The following SSB variants were observed in gnomAD, a reference collection of about 807,000 sequenced individuals.
SSB encodes the protein lupus La protein.
SSB carries 17 observed loss-of-function variants against 52.9 expected under a neutral mutation model. The observed-to-expected ratio is 0.32, with a 90% CI of 0.22 to 0.48. The LOEUF (loss-of-function observed/expected upper bound fraction) is 0.48, where lower values mean the gene tolerates loss of function less well. SSB is among the 20% of genes least tolerant of loss of function. The pLI, the probability that SSB is intolerant of heterozygous loss-of-function variation, is 0.99. For missense variants in SSB, 314 were observed against 463.6 expected (o/e 0.68, Z 2.96); for synonymous variants, 111 against 152.1 (o/e 0.73, Z 1.99).
chr2:169,802,071 G>C (rs1200192595), intron 2 of SSB, among the ~76,000 whole-genome samples: 1 of 151,988 alleles, frequency 6.6e-6, no homozygotes, highest in East Asian at 1.9e-4. Flanking sequence ...TGTAGTCCTA[G>C]CTACTTGGGA....
intron 6 of SSB, 41 bp downstream of exon 6, chr2:169,807,112 TATG>T: frequency 1.3e-6 from 2 of 1,524,198 alleles, no homozygotes; most frequent in Non-Finnish European, 1.8e-6. Context: ...CTTTTACTTA[TATG>T]GACACACACT....
chr2:169,811,689 A>G lies in SSB; in HGVS notation c.1160A>G (p.Glu387Gly). 2 of 1,613,124 alleles carry G rather than the reference A, an allele frequency of 1.2e-6. No homozygotes were observed. Among genetic ancestry groups the G allele is most frequent in the Middle Eastern group, 3.3e-4 (2 of 6,050 alleles). The change falls in exon 12 of 12, where the codon GAA becomes GGA. Residue 387 changes from glutamate to glycine, a missense_variant. By Grantham distance (98) the Glu-to-Gly change is moderately conservative. Coordinates refer to ENST00000260956, the MANE Select transcript of SSB (RefSeq NM_003142.5). ...ATAGGACCTGTGAAAAGAGCAAGAG[A>G]AGAAACAGACAAAGAAGAACCTGCA... ...GATGPVKRAR[E>G]ETDKEEPASK... is the part of the protein sequence containing the mutation.
At chr2:169,808,386 ACATT>A (rs1689871536) in intron 6 of SSB, 92 bp from the exon 7 acceptor site, 1 of 911,942 alleles carries the variant, frequency 1.1e-6, no homozygotes, top group Admixed American at 2.3e-5. Context: ...AGCGTGTGCA[ACATT>A]CATTGCTGTG....
At chr2:169,809,085 TA>T (rs1689890187) in intron 8 of SSB, 183 bp downstream of exon 8, 4 of 636,478 alleles carry the variant, frequency 6.3e-6, no homozygotes, top group Non-Finnish European at 1.2e-5. Context: ...AAATATGTTC[TA>T]AAATATGGAA....
Position 169,811,653 on chromosome 2 carries a change from A to AT in SSB, c.1139-13dup. The stretch of plus-strand genomic sequence containing the variant: ...CTTACGTTGAATTTAACAAAAATTA[A>AT]TTGTTACGTTATAGGACCTGTGAAA... On this transcript the variant is annotated splice_polypyrimidine_tract_variant and intron_variant, in intron 11 of 11. Transcript: ENST00000260956. 6.2e-7 allele frequency: 1 copy of AT among 1,601,202 alleles called. No homozygotes were observed. The highest frequency in any genetic ancestry group is 8.5e-7 in the Non-Finnish European group (1 of 1,176,560).
At chr2:169,803,883 C>T (rs766994475) in intron 2 of SSB, among the ~76,000 whole-genome samples, 15 of 151,940 alleles carry the variant, frequency 9.9e-5, no homozygotes, top group African/African-American at 2.2e-4. Context: ...GGATTACAGG[C>T]GTGCACCACC....
chr2:169,810,396 G>C lies in SSB; in HGVS notation c.783G>C (p.Trp261Cys). 1 of 1,609,404 alleles carries C rather than the reference G, an allele frequency of 6.2e-7. No homozygotes were observed. ...ILFSNHGEIKWIDFVRGAKEG... is the reference protein window; with the variant it reads ...ILFSNHGEIKCIDFVRGAKEG... ...TCTCAAATCATGGTGAAATAAAATG[G>C]ATAGACTTCGTCAGAGGAGCAAAAG... The change falls in exon 9 of 12, where the codon TGG becomes TGC. Residue 261 changes from tryptophan (W) to cysteine (C), a missense_variant. Transcript: ENST00000260956.
At chr2:169,808,818 A>G in intron 7 of SSB, 42 bp from the exon 8 acceptor site, 2 of 1,421,146 alleles carry the variant, frequency 1.4e-6, no homozygotes, top group Non-Finnish European at 2.0e-6. Flanking sequence ...ATTTTCTTAT[A>G]TAGTAAATAG....
rs181856742 is a variant in SSB at position 169,807,024 on chromosome 2, G to A, written c.507G>A (p.Glu169=). The A allele has an allele frequency of 6.2e-7, 1 of 1,613,930 alleles. No individual in the cohort carries two copies. The highest frequency in any genetic ancestry group is 8.5e-7 in the Non-Finnish European group (1 of 1,179,932). ...DSIESAKKFV[E]TPGQKYKETD... ...TTGAATCTGCTAAGAAATTTGTAGA[G>A]ACCCCTGGCCAGAAGTACAAAGAAA... Residue 169 remains glutamate, a synonymous_variant, in exon 6 of 12, where the codon GAG becomes GAA. Transcript: ENST00000260956.
At position 169,801,437 on chromosome 2, in the gene SSB, A is replaced by C. The variant is rs568712448; in HGVS notation, c.66+411A>C. 6.6e-5 allele frequency among the ~76,000 whole-genome samples: 10 copies of C among 152,114 alleles called. No individual in the cohort carries two copies. In the South Asian group the frequency reaches 2.1e-3, roughly 32 times the overall value. On this transcript the variant is annotated intron_variant, in intron 2 of 11. Coordinates refer to ENST00000260956, the MANE Select transcript of SSB (RefSeq NM_003142.5). ...CTTGGTAAAGTACCTTCCCTGTTAA[A>C]TAACACTATATTTTTGATGATCTTA... is the stretch of plus-strand genomic sequence containing the variant.
intron 2 of SSB, among the ~76,000 whole-genome samples, chr2:169,804,210 A>G (rs1054121673): frequency 7.1e-6 from 1 of 141,476 alleles, no homozygotes; most frequent in Non-Finnish European, 1.5e-5. Flanking sequence ...GAGTTCCTCT[A>G]TGCTTAAATT....
chr2:169,801,137 C>T, intron 2 of SSB, 111 bp downstream of exon 2: 1 of 818,108 alleles, frequency 1.2e-6, no homozygotes, highest in Non-Finnish European at 1.8e-6. Context: ...GCCTTTGATT[C>T]TTAGATGAAC....
chr2:169,807,157 A>G, intron 6 of SSB, 86 bp downstream of exon 6: 3 of 1,013,664 alleles, frequency 3.0e-6, no homozygotes, highest in Non-Finnish European at 3.0e-6. Context: ...GTATCCCCTG[A>G]AAGGCCAATA....
chr2:169,803,343 C>T (rs914726920), intron 2 of SSB, among the ~76,000 whole-genome samples: 1 of 152,020 alleles, frequency 6.6e-6, no homozygotes, highest in Non-Finnish European at 1.5e-5. Flanking sequence ...TGGCTCACCA[C>T]AACCTCCACC....
At chr2:169,808,298 G>A (rs960598786) in intron 6 of SSB, among the ~76,000 whole-genome samples, 184 bp from the exon 7 acceptor site, 2 of 152,080 alleles carry the variant, frequency 1.3e-5, no homozygotes, top group African/African-American at 4.8e-5. Flanking sequence ...CCTCAGTAAA[G>A]CTGTTATATA....
chr2:169,810,647 GAT>G, intron 9 of SSB: 1 of 657,004 alleles, frequency 1.5e-6, no homozygotes, highest in Non-Finnish European at 2.6e-6. Context: ...TGTGATGTCT[GAT>G]AGTTTCTGAA....
chr2:169,806,038 A>C, intron 4 of SSB, 199 bp downstream of exon 4: 1 of 627,604 alleles, frequency 1.6e-6, no homozygotes, highest in African/African-American at 1.8e-5. Flanking sequence ...TGGTGTGATC[A>C]TGGCCCACTG....
intron 1 of SSB, 166 bp downstream of exon 1, chr2:169,799,142 C>T (rs1257003185): frequency 6.6e-6 from 1 of 151,932 alleles, no homozygotes; most frequent in African/African-American, 2.4e-5. Context: ...GCGGCGGAGC[C>T]GAGGGGGCGC....
At position 169,808,397 on chromosome 2, in the gene SSB, T is replaced by C. The variant is rs533113828; in HGVS notation, c.555-85T>C. On this transcript the variant is annotated intron_variant, in intron 6 of 11. Coordinates refer to ENST00000260956, the MANE Select transcript of SSB (RefSeq NM_003142.5). Reference sequence around the variant, plus strand: ...AGTAAGCGTGTGCAACATTCATTGCTGTGCCATGTCTTAAGTTATTCAAAA... The same window carrying C: ...AGTAAGCGTGTGCAACATTCATTGCCGTGCCATGTCTTAAGTTATTCAAAA... 5.7e-6 allele frequency: 6 copies of C among 1,045,218 alleles called. No homozygotes were observed. The East Asian group carries it at 1.5e-4, about 26-fold the overall frequency. The allele number at this position is 1,045,218 out of a possible 1,614,324, so 64.7% of individuals were successfully genotyped here. A position where few individuals can be genotyped will look rare whatever the true frequency, so the allele number is the denominator to read the frequency against.
Sources: allele counts gnomAD v4.1 joint callset (sites outside exome capture counted in the v4.1 genomes callset), GRCh38; gene constraint gnomAD v4.1.1; transcripts MANE v1.5; gene names NCBI Gene and HGNC (gene_info 2026-07-23, HGNC 2026-07-21).